Variants in NUP160 observed in about 807,000 individuals in gnomAD.
The protein encoded by NUP160 is nucleoporin 160.
In NUP160, 94 loss-of-function variants were observed where a neutral mutation model predicts 196.9. That is an observed-to-expected ratio of 0.48 (90% CI 0.40 to 0.57). The LOEUF is 0.57. Among genes scored for constraint, NUP160 ranks in the 20% least tolerant of loss-of-function variants. The pLI is 0.00. For missense variants in NUP160, 1,638 were observed against 1,748.3 expected, an observed-to-expected ratio of 0.94 and a Z score of 1.13; for synonymous variants, 605 against 619.7, an observed-to-expected ratio of 0.98 and a Z score of 0.35.
chr11:47,810,625 C>G (rs905496523), intron 17 of NUP160, among the ~76,000 whole-genome samples: 1 of 151,564 alleles, frequency 6.6e-6, no homozygotes, highest in South Asian at 2.1e-4. Context: ...TGCCTCACTG[C>G]AAACTCTGCC....
At chr11:47,836,300 G>A (rs574540982) in intron 6 of NUP160, among the ~76,000 whole-genome samples, 1 of 152,216 alleles carries the variant, frequency 6.6e-6, no homozygotes, top group East Asian at 1.9e-4. Flanking sequence ...CATCTCTTCA[G>A]TCTGAAACAT....
exon 28 of NUP160, chr11:47,792,911 C>T (rs538981620): frequency 3.1e-6 from 5 of 1,613,898 alleles, no homozygotes; most frequent in Non-Finnish European, 4.2e-6. Flanking sequence ...ACTTCTCTGC[C>T]AAGCCGCATT....
rs1427624330 is a variant in NUP160 at position 47,848,248 on chromosome 11, T to A, written c.173A>T (p.His58Leu). The A allele has an allele frequency of 2.5e-6, 4 of 1,614,180 alleles. No homozygotes were observed. In the Admixed American group the frequency reaches 5.0e-5, roughly 20 times the overall value. Reference sequence around the variant, plus strand: ...GCTGCAGACTGTGAATTCCCGAAAGTGCCTCGGCCTTTCGCGCTCAGCTCC... The same window carrying A: ...GCTGCAGACTGTGAATTCCCGAAAGAGCCTCGGCCTTTCGCGCTCAGCTCC... The change falls in exon 1 of 36, where the codon CAC becomes CTC. Residue 58 changes from histidine (H) to leucine (L), a missense_variant. Around this residue, in one of 3 missense-constraint regions of NUP160, gnomAD observed 287 missense variants for 259.5 expected, o/e 1.11. Transcript: ENST00000378460.
intron 20 of NUP160, among the ~76,000 whole-genome samples, chr11:47,805,447 CT>C (rs34487443): frequency 6.6e-4 from 88 of 133,244 alleles, no homozygotes; most frequent in Middle Eastern, 4.5e-3. Context: ...TGAATAATGT[CT>C]TTTTTTTTTT....
chr11:47,780,505 A>T, intron 34 of NUP160, 58 bp from the exon 35 acceptor site: 4 of 1,081,208 alleles, frequency 3.7e-6, no homozygotes, highest in Non-Finnish European at 4.2e-6. Flanking sequence ...TCTTCTGGGT[A>T]GTTGCTTTCA....
intron 27 of NUP160, chr11:47,796,211 A>C (rs1206898280): frequency 8.1e-6 from 4 of 491,872 alleles, no homozygotes; most frequent in Non-Finnish European, 1.5e-5. Flanking sequence ...GGAAGGTGAG[A>C]TCTTCCACAC....
intron 32 of NUP160, 54 bp downstream of exon 32, chr11:47,786,399 A>T: frequency 9.4e-7 from 1 of 1,068,076 alleles, no homozygotes; most frequent in Non-Finnish European, 1.4e-6. Flanking sequence ...AGAGAAAGAC[A>T]GTTACAGCTT....
intron 10 of NUP160, 46 bp downstream of exon 10, chr11:47,819,328 A>ATT: frequency 7.9e-7 from 1 of 1,258,760 alleles, no homozygotes; most frequent in Non-Finnish European, 1.1e-6. Flanking sequence ...AAAAAAAAAG[A>ATT]TCAAAGTAAA....
At chr11:47,842,199 C>T (rs1300528067) in intron 2 of NUP160, among the ~76,000 whole-genome samples, 1 of 152,088 alleles carries the variant, frequency 6.6e-6, no homozygotes, top group Non-Finnish European at 1.5e-5. Flanking sequence ...TTCTCCTTGA[C>T]CTGACCCCTA....
rs369572232 is a variant in NUP160 at position 47,801,966 on chromosome 11, T to G, written c.2776-36A>C. ...AAAATATAAAATGACTTGTAACAGATCATTCAAATTCTAGGTGCTATGAAT... is the reference window on the plus strand; with the variant it reads ...AAAATATAAAATGACTTGTAACAGAGCATTCAAATTCTAGGTGCTATGAAT... On this transcript the variant is annotated intron_variant, in intron 22 of 35. Coordinates refer to ENST00000378460, the Ensembl canonical transcript of NUP160. 12 of 1,606,794 alleles carry G rather than the reference T, an allele frequency of 7.5e-6. No individual in the cohort carries two copies. In the African/African-American group the frequency reaches 1.5e-4, roughly 20 times the overall value.
intron 7 of NUP160, among the ~76,000 whole-genome samples, chr11:47,825,889 T>G (rs1851956630): frequency 6.6e-6 from 1 of 152,108 alleles, no homozygotes; most frequent in Non-Finnish European, 1.5e-5. Flanking sequence ...CAGCCTAAAT[T>G]AACTGTTTTT....
At chr11:47,843,709 A>G (rs1852348764) in intron 2 of NUP160, among the ~76,000 whole-genome samples, 1 of 152,236 alleles carries the variant, frequency 6.6e-6, no homozygotes, top group Non-Finnish European at 1.5e-5. Context: ...AGCATACAGG[A>G]CAGCCTTCCA....
At chr11:47,804,043 C>T (rs1366491284) in intron 21 of NUP160, among the ~76,000 whole-genome samples, 4 of 151,758 alleles carry the variant, frequency 2.6e-5, no homozygotes, top group Non-Finnish European at 5.9e-5. Context: ...TAGCTGGGCG[C>T]GGTGGCACGT....
intron 26 of NUP160, 30 bp downstream of exon 26, chr11:47,797,948 T>C: frequency 6.5e-7 from 1 of 1,548,738 alleles, no homozygotes; most frequent in Non-Finnish European, 8.9e-7. Flanking sequence ...CCATACTTGT[T>C]GAAAGCCATC....
exon 1 of NUP160, chr11:47,848,344 A>G (rs554519064): frequency 1.9e-6 from 3 of 1,613,250 alleles, no homozygotes; most frequent in South Asian, 1.1e-5. Context: ...GCGACGCCCA[A>G]CGGAACAAAG....
chr11:47,848,380 T>G (rs757125485), exon 1 of NUP160: 1 of 1,607,242 alleles, frequency 6.2e-7, no homozygotes. Context: ...CGCCGTCACT[T>G]CCGGGGGTGG....
At chr11:47,804,564 T>G (rs777082338) in exon 21 of NUP160, 1 of 1,537,758 alleles carries the variant, frequency 6.5e-7, no homozygotes, top group South Asian at 1.3e-5. Context: ...ATTGTACATA[T>G]TGGCAATTTC....
At chr11:47,846,859 G>C (rs1014469045) in intron 2 of NUP160, among the ~76,000 whole-genome samples, 1 of 151,944 alleles carries the variant, frequency 6.6e-6, no homozygotes, top group Non-Finnish European at 1.5e-5. Flanking sequence ...TGATCCTGCC[G>C]CCCAAGTTGT....
intron 29 of NUP160, among the ~76,000 whole-genome samples, chr11:47,789,724 G>A (rs890405449): frequency 1.3e-5 from 2 of 151,716 alleles, no homozygotes; most frequent in African/African-American, 4.8e-5. Flanking sequence ...ATATAACAAT[G>A]TAACTGTATA....
Sources: allele counts gnomAD v4.1 joint callset (sites outside exome capture counted in the v4.1 genomes callset), GRCh38; gene constraint gnomAD v4.1.1; regional missense constraint gnomAD v4.1.1; transcripts MANE v1.5; gene names NCBI Gene and HGNC (gene_info 2026-07-23, HGNC 2026-07-21).